The following ABR variants were observed in gnomAD, a reference collection of about 807,000 sequenced individuals.
The protein encoded by ABR is ABR activator of RhoGEF and GTPase.
A neutral mutation model predicts 107.2 loss-of-function variants in ABR; 35 were observed. The observed-to-expected ratio is 0.33, with a 90% CI of 0.25 to 0.43. The LOEUF (loss-of-function observed/expected upper bound fraction) is 0.43, where lower values mean the gene tolerates loss of function less well. Among genes scored for constraint, ABR ranks in the 20% least tolerant of loss-of-function variants. The probability of loss-of-function intolerance (pLI) is 1.00; values close to 1 mark genes in which losing one functional copy is unlikely to be tolerated. For missense variants in ABR, 815 were observed against 1,115.2 expected (o/e 0.73, Z 3.83); for synonymous variants, 498 against 462.0 (o/e 1.08, Z -1.00).
At chr17:1,036,581 G>A (rs1021095506) in intron 16 of ABR, among the ~76,000 whole-genome samples, 2 of 151,728 alleles carry the variant, frequency 1.3e-5, no homozygotes, top group Admixed American at 6.6e-5. Context: ...CCAAAGACAG[G>A]TGCAGGCTCC....
chr17:1,055,781 C>T, intron 14 of ABR: 1 of 437,794 alleles, frequency 2.3e-6, no homozygotes, highest in South Asian at 4.2e-5. Context: ...CCCGCCTGGG[C>T]CTCCCAAAGT....
intron 1 of ABR, among the ~76,000 whole-genome samples, chr17:1,178,651 C>T (rs573462943): frequency 1.3e-5 from 2 of 152,146 alleles, no homozygotes; most frequent in South Asian, 4.2e-4. Context: ...CGTGGCCCCA[C>T]GTGCCTCCCC....
intron 1 of ABR, among the ~76,000 whole-genome samples, chr17:1,201,379 T>G (rs2042667909): frequency 6.6e-6 from 1 of 152,056 alleles, no homozygotes; most frequent in Non-Finnish European, 1.5e-5. Flanking sequence ...AGCGAGATCG[T>G]GAAAAGAAGA....
At chr17:1,031,561 GC>G (rs1164753592) in intron 16 of ABR, 9 of 235,798 alleles carry the variant, frequency 3.8e-5, no homozygotes, top group Middle Eastern at 1.8e-3. Context: ...GCGCCCCCGA[GC>G]CCCCACCCCC....
chr17:1,099,899 G>A (rs1258707575), intron 3 of ABR, among the ~76,000 whole-genome samples: 9 of 152,156 alleles, frequency 5.9e-5, no homozygotes, highest in East Asian at 1.9e-4. Context: ...AGGCCAAGGC[G>A]GGCAGATCAC....
At chr17:1,151,134 C>G (rs59812355) in intron 1 of ABR, among the ~76,000 whole-genome samples, 571 of 152,230 alleles carry the variant, frequency 3.8e-3, no homozygotes, top group African/African-American at 0.013. Flanking sequence ...CATGGAGTAA[C>G]AGTAGCACCC....
At chr17:1,178,833 A>AGC (rs2042011011) in intron 1 of ABR, among the ~76,000 whole-genome samples, 1 of 141,780 alleles carries the variant, frequency 7.1e-6, no homozygotes. Flanking sequence ...CTTTCTAGCA[A>AGC]CGGAGCAGGA....
At chr17:1,103,543 A>G (rs1227523213) in intron 2 of ABR, among the ~76,000 whole-genome samples, 4 of 152,220 alleles carry the variant, frequency 2.6e-5, no homozygotes, top group Non-Finnish European at 5.9e-5. Context: ...TTGCAGCCCC[A>G]GCCACAAACA....
chr17:1,039,734 G>T, intron 16 of ABR: 1 of 152,456 alleles, frequency 6.6e-6, no homozygotes. Context: ...TGGCACAGGG[G>T]TGGGGGTGGC....
intron 2 of ABR, among the ~76,000 whole-genome samples, chr17:1,106,524 AGT>A (rs1450672727): frequency 2.5e-5 from 3 of 117,972 alleles, no homozygotes; most frequent in South Asian, 2.8e-4. Context: ...CTCTTCTCAC[AGT>A]CTTTTTTTTT....
At chr17:1,057,133 T>C in intron 12 of ABR, 31 bp from the exon 13 acceptor site, 1 of 1,476,378 alleles carries the variant, frequency 6.8e-7, no homozygotes, top group Non-Finnish European at 9.5e-7. Flanking sequence ...GAAGGGAGCG[T>C]GGGCACTGGT....
intron 1 of ABR, among the ~76,000 whole-genome samples, chr17:1,153,184 G>A (rs2040869884): frequency 6.6e-6 from 1 of 152,196 alleles, no homozygotes; most frequent in South Asian, 2.1e-4. Context: ...CCATCATCAG[G>A]TGCACTTGGT....
intron 16 of ABR, among the ~76,000 whole-genome samples, chr17:1,018,093 A>G (rs967924534): frequency 7.8e-5 from 10 of 128,674 alleles, no homozygotes; most frequent in African/African-American, 2.8e-4. Flanking sequence ...CCCAGGCTGG[A>G]GTGCTGTGGC....
rs2032280042 is a variant in ABR, at chr17:1,050,053, G to A, written c.1788C>T (p.Ile596=). ...CGCCCCGGCGCCCTGGCCTCACCTG[G>A]ATCTGTCCTTTGCCCATGATCTTGT... ...IVDKIMGKGQ[I]QLDPQTVETK... is the part of the protein sequence containing the mutation. The change falls in exon 16 of 23, where the codon ATC becomes ATT. Residue 596 remains isoleucine, a synonymous_variant. Coordinates refer to ENST00000302538, the MANE Select transcript of ABR (RefSeq NM_021962.5). This position sits in a 1 kb window ranked among gnomAD's most constrained non-coding sequence, Gnocchi z 4.6. The A allele has an allele frequency of 1.2e-6, 2 of 1,613,842 alleles. No individual in the cohort carries two copies. The highest frequency in any genetic ancestry group is 1.3e-5 in the African/African-American group (1 of 75,056).
chr17:1,109,496 T>TGGCGGAGGCTTCTGC (rs1274768930), intron 2 of ABR, among the ~76,000 whole-genome samples: 1 of 150,922 alleles, frequency 6.6e-6, no homozygotes, highest in Non-Finnish European at 1.5e-5. Context: ...GGGCCGCGGC[T>TGGCGGAGGCTTCTGC]GGCGGAGGCT....
At chr17:1,139,810 C>T (rs537300011) in intron 1 of ABR, among the ~76,000 whole-genome samples, 2 of 152,228 alleles carry the variant, frequency 1.3e-5, no homozygotes, top group African/African-American at 4.8e-5. Flanking sequence ...ATACCAAACA[C>T]GAAGTGTGTG....
At chr17:1,034,417 A>C (rs1050503452) in intron 16 of ABR, among the ~76,000 whole-genome samples, 1 of 152,168 alleles carries the variant, frequency 6.6e-6, no homozygotes, top group African/African-American at 2.4e-5. Flanking sequence ...GCATTTGTGC[A>C]TTTGGCACGG....
intron 2 of ABR, among the ~76,000 whole-genome samples, chr17:1,104,564 C>T (rs902405354): frequency 6.6e-6 from 1 of 152,206 alleles, no homozygotes; most frequent in African/African-American, 2.4e-5. Context: ...AGGATCTGCT[C>T]AGAGTAGATG....
At chr17:1,111,374 GAC>G (rs1425762706) in intron 2 of ABR, among the ~76,000 whole-genome samples, 4 of 152,116 alleles carry the variant, frequency 2.6e-5, no homozygotes, top group African/African-American at 9.7e-5. Flanking sequence ...CCCTCCATCA[GAC>G]ACAGACTCCA....
Sources: gnomAD v4.1 joint callset for allele counts (sites outside exome capture counted in the v4.1 genomes callset) on GRCh38, gnomAD v4.1.1 for gene constraint, Gnocchi (gnomAD v3.1) non-coding constraint, MANE v1.5 for transcripts, NCBI Gene and HGNC (gene_info 2026-07-23, HGNC 2026-07-21) for gene names.